The following TMEM196 variants were observed in gnomAD, a reference collection of about 807,000 sequenced individuals.
TMEM196 encodes the protein transmembrane protein 196.
TMEM196 carries 17 observed loss-of-function variants against 20.0 expected under a neutral mutation model. The ratio of observed to expected loss-of-function variants is 0.85; its 90% CI spans 0.58 to 1.27. TMEM196 has a LOEUF of 1.27. Among genes scored for constraint, TMEM196 ranks in the 50% most tolerant of loss-of-function variants. The pLI, the probability that TMEM196 is intolerant of heterozygous loss-of-function variation, is 0.00. For missense variants in TMEM196, 267 were observed against 223.0 expected (o/e 1.20, Z -1.26); for synonymous variants, 113 against 88.9 (o/e 1.27, Z -1.52).
At chr7:19,735,894 A>G (rs1345836766) in intron 1 of TMEM196, among the ~76,000 whole-genome samples, 20 of 152,172 alleles carry the variant, frequency 1.3e-4, no homozygotes, top group Admixed American at 1.2e-3. Flanking sequence ...TACCCACAAG[A>G]TAATGAGCTG....
At chr7:19,744,215 C>G (rs962061849) in intron 1 of TMEM196, among the ~76,000 whole-genome samples, 1 of 152,064 alleles carries the variant, frequency 6.6e-6, no homozygotes, top group Admixed American at 6.6e-5. Flanking sequence ...TAAACAGGAC[C>G]ATCATAAAAT....
At chr7:19,750,875 C>T (rs928349558) in intron 1 of TMEM196, among the ~76,000 whole-genome samples, 25 of 152,084 alleles carry the variant, frequency 1.6e-4, no homozygotes, top group African/African-American at 6.0e-4. Flanking sequence ...TTGTAATTCC[C>T]CAACGCTATT....
chr7:19,768,043 A>G (rs1353513403), intron 1 of TMEM196, among the ~76,000 whole-genome samples: 4 of 152,082 alleles, frequency 2.6e-5, no homozygotes, highest in African/African-American at 7.2e-5. Context: ...CCAACAGTCT[A>G]CATAAAAGGT....
At chr7:19,745,675 A>G (rs1477406292) in intron 1 of TMEM196, among the ~76,000 whole-genome samples, 1 of 149,080 alleles carries the variant, frequency 6.7e-6, no homozygotes, top group Non-Finnish European at 1.5e-5. Flanking sequence ...TAAAGCACGA[A>G]TCTTCTTCCT....
intron 1 of TMEM196, among the ~76,000 whole-genome samples, chr7:19,734,210 C>A (rs1784314320): frequency 6.6e-6 from 1 of 152,146 alleles, no homozygotes; most frequent in Non-Finnish European, 1.5e-5. Flanking sequence ...CCACTTCTCA[C>A]ACTAACAGCC....
At chr7:19,761,901 A>G (rs1167347781) in intron 1 of TMEM196, among the ~76,000 whole-genome samples, 1 of 152,256 alleles carries the variant, frequency 6.6e-6, no homozygotes, top group Admixed American at 6.5e-5. Context: ...TCAGAACGCA[A>G]TTTCTTCACA....
At position 19,721,831 on chromosome 7, in the gene TMEM196, G is replaced by T. The variant is rs1469660929; in HGVS notation, c.*297C>A. 2.5e-6 allele frequency: 1 copy of T among 400,302 alleles called. No homozygotes were observed. The highest frequency in any genetic ancestry group is 4.4e-6 in the Non-Finnish European group (1 of 226,774). 24.8% of individuals were successfully genotyped at this position (400,302 alleles called of 1,614,324 possible). A position where few individuals can be genotyped will look rare whatever the true frequency, so the allele number is the denominator to read the frequency against. ...TTTTATTATCTCTTTTTCCTGAAAA[G>T]TCTTCTTTAGAACAATCTGGAAAGC... is the stretch of plus-strand genomic sequence containing the variant. On this transcript the variant is annotated 3_prime_UTR_variant, in exon 5 of 5. Transcript: ENST00000405844.
At chr7:19,751,273 C>A (rs1247695594) in intron 1 of TMEM196, among the ~76,000 whole-genome samples, 2 of 152,174 alleles carry the variant, frequency 1.3e-5, no homozygotes, top group Non-Finnish European at 2.9e-5. Context: ...GTTTCTGAAG[C>A]ACTAGTGGAA....
intron 1 of TMEM196, among the ~76,000 whole-genome samples, chr7:19,733,391 A>G (rs1784281115): frequency 6.6e-6 from 1 of 152,190 alleles, no homozygotes; most frequent in Admixed American, 6.5e-5. Flanking sequence ...CAAGACAATG[A>G]GATAACTTCA....
chr7:19,732,585 CA>C (rs1325672938), intron 1 of TMEM196, among the ~76,000 whole-genome samples: 36 of 84,144 alleles, frequency 4.3e-4, no homozygotes, highest in South Asian at 8.4e-4. Context: ...AAAAAAAAAA[CA>C]AAAAAAAAAA....
chr7:19,751,292 A>T (rs1319613487), intron 1 of TMEM196, among the ~76,000 whole-genome samples: 19 of 152,254 alleles, frequency 1.2e-4, no homozygotes, highest in Non-Finnish European at 2.9e-5. Context: ...AACCGTATTT[A>T]TGCTCCAGGA....
chr7:19,743,800 C>G (rs557015828), intron 1 of TMEM196, among the ~76,000 whole-genome samples: 1 of 152,204 alleles, frequency 6.6e-6, no homozygotes, highest in Non-Finnish European at 1.5e-5. Context: ...TGATTTGCCA[C>G]AGAGTCCTAA....
chr7:19,742,780 C>T (rs1055066436), intron 1 of TMEM196, among the ~76,000 whole-genome samples: 1 of 152,090 alleles, frequency 6.6e-6, no homozygotes, highest in African/African-American at 2.4e-5. Flanking sequence ...ATTGGAATGA[C>T]ATGGGGATAC....
intron 1 of TMEM196, among the ~76,000 whole-genome samples, chr7:19,765,941 A>G (rs956125034): frequency 1.3e-5 from 2 of 152,162 alleles, no homozygotes; most frequent in African/African-American, 4.8e-5. Context: ...CCAGAGCATC[A>G]CTAGTGGACT....
intron 1 of TMEM196, among the ~76,000 whole-genome samples, chr7:19,760,179 A>T (rs771893760): frequency 6.6e-6 from 1 of 151,992 alleles, no homozygotes; most frequent in Non-Finnish European, 1.5e-5. Context: ...AAGCTTTCCT[A>T]TCTCAGCATC....
chr7:19,740,043 G>T (rs1390980928), intron 1 of TMEM196, among the ~76,000 whole-genome samples: 1 of 152,112 alleles, frequency 6.6e-6, no homozygotes. Context: ...AGCTGCAAGT[G>T]TACAAACTGA....
intron 1 of TMEM196, among the ~76,000 whole-genome samples, chr7:19,733,811 T>C (rs762226031): frequency 1.3e-5 from 2 of 152,168 alleles, no homozygotes; most frequent in African/African-American, 2.4e-5. Context: ...AGTTTAATTG[T>C]CTCAGGAAGG....
At chr7:19,762,133 G>A (rs1192543724) in intron 1 of TMEM196, among the ~76,000 whole-genome samples, 2 of 151,900 alleles carry the variant, frequency 1.3e-5, no homozygotes, top group Non-Finnish European at 2.9e-5. Flanking sequence ...TATATAAGGG[G>A]AACTTTGAAT....
At chr7:19,754,533 G>A (rs1163740925) in intron 1 of TMEM196, among the ~76,000 whole-genome samples, 1 of 152,166 alleles carries the variant, frequency 6.6e-6, no homozygotes, top group Non-Finnish European at 1.5e-5. Flanking sequence ...TAATCTGAAA[G>A]CTTGCAATAC....
Sources: gnomAD v4.1 joint callset for allele counts (sites outside exome capture counted in the v4.1 genomes callset) on GRCh38, gnomAD v4.1.1 for gene constraint, MANE v1.5 for transcripts, NCBI Gene and HGNC (gene_info 2026-07-23, HGNC 2026-07-21) for gene names.